DNAH11: variants seen among roughly 807,000 people sequenced by gnomAD.
DNAH11 encodes the protein dynein axonemal heavy chain 11, also known as axonemal beta dynein heavy chain 11.
Under a neutral mutation model 526.0 loss-of-function variants are expected in DNAH11, and 442 were observed. The observed-to-expected ratio is 0.84, with a 90% CI of 0.78 to 0.91. The LOEUF is 0.91. Among genes scored for constraint, DNAH11 ranks in the 40% least tolerant of loss-of-function variants. The probability of loss-of-function intolerance (pLI) is 0.00; values close to 1 mark genes in which losing one functional copy is unlikely to be tolerated. For synonymous variants in DNAH11, 2,461 were observed against 1,935.9 expected (o/e 1.27, Z -7.12); for missense variants, 6,989 against 5,448.7 (o/e 1.28, Z -8.90).
chr7:21,816,731 C>T, intron 64 of DNAH11, 29 bp downstream of exon 64: 1 of 1,588,288 alleles, frequency 6.3e-7, no homozygotes, highest in Non-Finnish European at 8.6e-7. Context: ...GACTGGCTTT[C>T]TGTTTACCTG....
At chr7:21,607,231 CG>C (rs1223178719) in intron 20 of DNAH11, among the ~76,000 whole-genome samples, 1 of 152,056 alleles carries the variant, frequency 6.6e-6, no homozygotes, top group Non-Finnish European at 1.5e-5. Context: ...GCATCTAGCA[CG>C]GGAGAAAGAT....
intron 76 of DNAH11, among the ~76,000 whole-genome samples, chr7:21,886,351 A>G (rs1164966479): frequency 1.3e-5 from 2 of 152,242 alleles, no homozygotes; most frequent in Non-Finnish European, 2.9e-5. Flanking sequence ...AGTCTAATAT[A>G]GAAAACTGGG....
intron 5 of DNAH11, 128 bp from the exon 6 acceptor site, chr7:21,564,058 A>G (rs1783565756): frequency 1.6e-6 from 1 of 630,936 alleles, no homozygotes; most frequent in Non-Finnish European, 2.6e-6. Context: ...AAGTAATATA[A>G]AAGGAACTAT....
chr7:21,584,143 G>C (rs979359402), intron 9 of DNAH11, among the ~76,000 whole-genome samples: 1 of 152,172 alleles, frequency 6.6e-6, no homozygotes, highest in Non-Finnish European at 1.5e-5. Flanking sequence ...GTTTATTGCA[G>C]CACTGTTCAC....
rs1562690653 is a variant in DNAH11, at chr7:21,599,779, G to C, written c.2668-8G>C. On this transcript the variant is annotated splice_polypyrimidine_tract_variant and splice_region_variant and intron_variant, in intron 14 of 81. Transcript: ENST00000409508. ...TATATTCATCCACTAATACTTGTCTGTTTCTAGGAAAATAGGAAGCTCTTC... is the reference window on the plus strand; with the variant it reads ...TATATTCATCCACTAATACTTGTCTCTTTCTAGGAAAATAGGAAGCTCTTC... The C allele has an allele frequency of 6.6e-7, 1 of 1,524,270 alleles. No individual in the cohort carries two copies. Among genetic ancestry groups the C allele is most frequent in the South Asian group, 1.3e-5 (1 of 74,568 alleles). The allele number at this position is 1,524,270 out of a possible 1,614,324, so 94.4% of individuals were successfully genotyped here.
intron 54 of DNAH11, 36 bp from the exon 55 acceptor site, chr7:21,765,392 C>G (rs375992816): frequency 3.1e-6 from 5 of 1,612,534 alleles, no homozygotes; most frequent in African/African-American, 1.3e-5. Context: ...TCATTCATCA[C>G]CCGCCTGTTT....
At chr7:21,773,700 A>ATT (rs11374411) in intron 55 of DNAH11, 66 bp from the exon 56 acceptor site, 560 of 1,054,142 alleles carry the variant, frequency 5.3e-4, no homozygotes, top group South Asian at 7.7e-4. Flanking sequence ...CATTTACTTG[A>ATT]TTTTTTTTAA....
At chr7:21,695,406 A>G (rs1418301635) in intron 35 of DNAH11, among the ~76,000 whole-genome samples, 13 of 152,216 alleles carry the variant, frequency 8.5e-5, no homozygotes, top group Non-Finnish European at 1.6e-4. Flanking sequence ...GTATAGACCA[A>G]TGGAACAGAA....
intron 22 of DNAH11, 76 bp from the exon 23 acceptor site, chr7:21,617,543 T>C (rs974956793): frequency 8.6e-6 from 13 of 1,512,128 alleles, no homozygotes; most frequent in Non-Finnish European, 9.9e-6. Context: ...GGGAAATATA[T>C]GTCAAAGGAG....
chr7:21,606,681 A>G lies in DNAH11; in HGVS notation c.3800A>G (p.His1267Arg). Residue 1267 changes from histidine to arginine, a missense_variant, in exon 20 of 82, where the codon CAC becomes CGC. Coordinates refer to ENST00000409508, the MANE Select transcript of DNAH11 (RefSeq NM_001277115.2). ...KQAEFRERFR[H>R]YAPLGFNAEN... is the part of the protein sequence containing the mutation. The stretch of plus-strand genomic sequence containing the variant: ...GCAGAGTTCAGAGAGAGATTCAGAC[A>G]CTATGCCCCTCTTGGATTTAATGCA... 6.2e-7 allele frequency: 1 copy of G among 1,608,834 alleles called. No homozygotes were observed. Among genetic ancestry groups the G allele is most frequent in the Non-Finnish European group, 8.5e-7 (1 of 1,178,978 alleles).
intron 25 of DNAH11, among the ~76,000 whole-genome samples, chr7:21,630,965 G>A (rs755538975): frequency 1.6e-4 from 24 of 152,022 alleles, no homozygotes; most frequent in Non-Finnish European, 2.6e-4. Flanking sequence ...TTTTGTGGCT[G>A]TATTAGTCCG....
Position 21,634,803 on chromosome 7 carries a change from C to G in DNAH11, c.4501-1068C>G, listed in dbSNP as rs188785569. 4.5e-3 allele frequency among the ~76,000 whole-genome samples: 680 copies of G among 152,064 alleles called. 13 individuals carry two copies. The highest frequency in any genetic ancestry group is 0.031 in the Admixed American group (479 of 15,268). On this transcript the variant is annotated intron_variant, in intron 25 of 81. Transcript: ENST00000409508. ...TGTAACAAGCCTGCATATGTACCCC[C>G]CCGAACCCAAAATAAATGTTGGAAG... is the stretch of plus-strand genomic sequence containing the variant.
At chr7:21,875,702 A>G (rs1274753338) in intron 74 of DNAH11, among the ~76,000 whole-genome samples, 1 of 152,024 alleles carries the variant, frequency 6.6e-6, no homozygotes, top group Non-Finnish European at 1.5e-5. Flanking sequence ...GCATATAATG[A>G]TAAAGATTCA....
In DNAH11 at chr7:21,738,847, C is replaced by A; in HGVS notation, c.7792C>A (p.His2598Asn). The A allele has an allele frequency of 1.9e-6, 3 of 1,601,852 alleles. No individual in the cohort carries two copies. Among genetic ancestry groups the A allele is most frequent in the Non-Finnish European group, 2.6e-6 (3 of 1,174,946 alleles). ...TCAGCCTCACACCCTGATCCGGCAG[C>A]ATATTGATTATGGACATTGGTAAGC... ...TVQPHTLIRQ[H>N]IDYGHWYDRQ... Residue 2598 changes from histidine to asparagine, a missense_variant, in exon 47 of 82, where the codon CAT becomes AAT. By Grantham distance (68) the His-to-Asn change is moderately conservative. Coordinates refer to ENST00000409508, the MANE Select transcript of DNAH11 (RefSeq NM_001277115.2).
chr7:21,567,828 C>G (rs773447835), intron 6 of DNAH11, among the ~76,000 whole-genome samples: 2 of 152,242 alleles, frequency 1.3e-5, no homozygotes, highest in Non-Finnish European at 2.9e-5. Flanking sequence ...TAAAAGGCAT[C>G]ACCTGTTCAC....
At chr7:21,884,656 C>CCT (rs1286311535) in intron 76 of DNAH11, among the ~76,000 whole-genome samples, 3 of 152,142 alleles carry the variant, frequency 2.0e-5, no homozygotes, top group Non-Finnish European at 2.9e-5. Context: ...CGTGAGGCAG[C>CCT]CTCACATGCA....
In DNAH11 at chr7:21,695,845, G is replaced by A. The variant is rs146214215; in HGVS notation, c.6042-2230G>A. 4.3e-3 allele frequency among the ~76,000 whole-genome samples: 652 copies of A among 152,070 alleles called. 4 individuals are homozygous for A. The highest frequency in any genetic ancestry group is 0.015 in the African/African-American group (615 of 41,470). On this transcript the variant is annotated intron_variant, in intron 35 of 81. Transcript: ENST00000409508. ...GAAAATTTTTGCAATCTATCCATCT[G>A]ACAAAGGTCTAATATCCAGAATCTA...
At chr7:21,552,539 A>G (rs545282297) in intron 2 of DNAH11, among the ~76,000 whole-genome samples, 22 of 152,302 alleles carry the variant, frequency 1.4e-4, no homozygotes, top group African/African-American at 5.1e-4. Context: ...GAAATTAAGT[A>G]AGCTTATGGT....
In DNAH11 at chr7:21,789,801, C is replaced by CTTG. The variant is rs1371052874; in HGVS notation, c.10026+461_10026+462insGTT. On this transcript the variant is annotated intron_variant, in intron 61 of 81. Transcript: ENST00000409508. ...TCTTTCTTTCTTTCTTTCTTTCTTTCTTTCTTTTTTCTTTCTTTCTTTCTT... is the reference window on the plus strand; with the variant it reads ...TCTTTCTTTCTTTCTTTCTTTCTTTCTTGTTTCTTTTTTCTTTCTTTCTTTCTT... Among the ~76,000 whole-genome samples the CTTG allele has an allele frequency of 2.4e-4, 16 of 65,702 alleles. 1 individual carries two copies. Among genetic ancestry groups the CTTG allele is most frequent in the Admixed American group, 1.5e-3 (8 of 5,276 alleles). The allele number at this position is 65,702 out of a possible 152,430, so 43.1% of individuals were successfully genotyped here. A position where few individuals can be genotyped will look rare whatever the true frequency, so the allele number is the denominator to read the frequency against.
Sources: gnomAD v4.1 joint callset for allele counts (sites outside exome capture counted in the v4.1 genomes callset) on GRCh38, gnomAD v4.1.1 for gene constraint, MANE v1.5 for transcripts, NCBI Gene and HGNC (gene_info 2026-07-23, HGNC 2026-07-21) for gene names.